Variants in WWOX observed in about 807,000 individuals in gnomAD.
The protein encoded by WWOX is WW domain-containing oxidoreductase.
In WWOX, 69 loss-of-function variants were observed where a neutral mutation model predicts 46.2. That is an observed-to-expected ratio of 1.49 (90% CI 1.23 to 1.82). The LOEUF (loss-of-function observed/expected upper bound fraction) is 1.82. Ranked by LOEUF, WWOX falls within the 40% of genes most tolerant of loss-of-function variation. The probability of loss-of-function intolerance (pLI) is 0.00; values close to 1 mark genes in which losing one functional copy is unlikely to be tolerated. For missense variants in WWOX, 919 were observed against 542.6 expected, an observed-to-expected ratio of 1.69 and a Z score of -6.89; for synonymous variants, 359 against 202.6, an observed-to-expected ratio of 1.77 and a Z score of -6.56.
At chr16:78,708,690 T>C (rs2048375909) in intron 8 of WWOX, among the ~76,000 whole-genome samples, 1 of 152,214 alleles carries the variant, frequency 6.6e-6, no homozygotes, top group Admixed American at 6.5e-5. Flanking sequence ...GTTCAGTGGC[T>C]TTGCCTCCAA....
chr16:78,435,223 A>G (rs2083307656), intron 8 of WWOX, among the ~76,000 whole-genome samples: 2 of 152,090 alleles, frequency 1.3e-5, no homozygotes, highest in African/African-American at 2.4e-5. Context: ...AATGAATTGG[A>G]CGAAGGTTGC....
chr16:78,557,724 C>T (rs532084626), intron 8 of WWOX, among the ~76,000 whole-genome samples: 149 of 93,412 alleles, frequency 1.6e-3, no homozygotes, highest in Middle Eastern at 7.4e-3. Context: ...AGACAGGAGT[C>T]TCACTCTGTT....
chr16:78,584,050 T>C (rs1176570861), intron 8 of WWOX, among the ~76,000 whole-genome samples: 2 of 152,300 alleles, frequency 1.3e-5, no homozygotes, highest in South Asian at 2.1e-4. Flanking sequence ...GTCCCTTCTT[T>C]TTGTGATCAC....
chr16:78,608,804 T>C (rs1470926116), intron 8 of WWOX, among the ~76,000 whole-genome samples: 1 of 152,108 alleles, frequency 6.6e-6, no homozygotes, highest in Admixed American at 6.5e-5. Flanking sequence ...GGTTGAAGTA[T>C]CTGTTCCCTC....
chr16:78,854,780 C>A (rs1267107297), intron 8 of WWOX, among the ~76,000 whole-genome samples: 1 of 152,128 alleles, frequency 6.6e-6, no homozygotes, highest in African/African-American at 2.4e-5. Context: ...GGGGTTTCAC[C>A]ACTTTTGGCC....
intron 8 of WWOX, among the ~76,000 whole-genome samples, chr16:78,706,055 C>CA (rs2048321528): frequency 2.6e-5 from 2 of 78,240 alleles, no homozygotes; most frequent in Admixed American, 3.8e-4. Context: ...AGAGTTATGG[C>CA]AGGTTTTTTT....
intron 5 of WWOX, chr16:78,167,365 G>A (rs1368881967): frequency 1.3e-5 from 2 of 152,094 alleles, no homozygotes; most frequent in Non-Finnish European, 2.9e-5. Context: ...TATATTTTGA[G>A]CCTTAATTGG....
intron 8 of WWOX, among the ~76,000 whole-genome samples, chr16:78,727,054 C>T (rs2048852527): frequency 6.6e-6 from 1 of 152,166 alleles, no homozygotes; most frequent in Non-Finnish European, 1.5e-5. Context: ...CGTGGCATCG[C>T]CAGTCCCAGT....
chr16:79,083,003 T>C (rs913614853), intron 8 of WWOX, among the ~76,000 whole-genome samples: 7 of 152,142 alleles, frequency 4.6e-5, no homozygotes, highest in Non-Finnish European at 7.4e-5. Flanking sequence ...AATGCCTACC[T>C]GGCACTCCTA....
chr16:78,833,880 C>T (rs1429125253), intron 8 of WWOX, among the ~76,000 whole-genome samples: 2 of 152,260 alleles, frequency 1.3e-5, no homozygotes, highest in Non-Finnish European at 2.9e-5. Context: ...CTCTATGGTA[C>T]CATACAGGCA....
chr16:78,681,698 C>G (rs1358978467), intron 8 of WWOX, among the ~76,000 whole-genome samples: 1 of 152,206 alleles, frequency 6.6e-6, no homozygotes, highest in African/African-American at 2.4e-5. Context: ...ATCCCCAGCC[C>G]AGCTCTTCGT....
intron 8 of WWOX, among the ~76,000 whole-genome samples, chr16:78,836,624 C>A (rs11864768): frequency 0.024 from 3,711 of 152,274 alleles, 165 homozygotes; most frequent in African/African-American, 0.085. Flanking sequence ...TCATTTAATT[C>A]TTGCTACCAT....
intron 6 of WWOX, among the ~76,000 whole-genome samples, chr16:78,410,138 G>A (rs1289397806): frequency 1.3e-5 from 2 of 152,144 alleles, no homozygotes; most frequent in Non-Finnish European, 2.9e-5. Context: ...CCCTCACCAT[G>A]TTAGCTGCCT....
At chr16:78,670,587 C>T (rs1306906076) in intron 8 of WWOX, among the ~76,000 whole-genome samples, 1 of 152,034 alleles carries the variant, frequency 6.6e-6, no homozygotes, top group African/African-American at 2.4e-5. Flanking sequence ...GGTTGCTGTA[C>T]TAGATGAATA....
chr16:78,473,192 C>G lies in WWOX; in HGVS notation c.1056+40440C>G, dbSNP rs540097372. Among the ~76,000 whole-genome samples, 10 of 152,266 alleles carry G rather than the reference C, an allele frequency of 6.6e-5. No individual in the cohort carries two copies. The South Asian group carries it at 2.1e-3, about 32-fold the overall frequency. On this transcript the variant is annotated intron_variant, in intron 8 of 8. Transcript: ENST00000566780. ...TCACCCAGGCTAGAGTGCAGTGGTGCGTTCTCTGCTCACTGCGGCCTGCAT... is the reference window on the plus strand; with the variant it reads ...TCACCCAGGCTAGAGTGCAGTGGTGGGTTCTCTGCTCACTGCGGCCTGCAT...
chr16:78,588,116 G>T (rs2045262859), intron 8 of WWOX, among the ~76,000 whole-genome samples: 1 of 151,332 alleles, frequency 6.6e-6, no homozygotes, highest in Non-Finnish European at 1.5e-5. Flanking sequence ...GGCGGGCCTT[G>T]CACAGGTGCA....
At chr16:78,654,612 T>A (rs1439558764) in intron 8 of WWOX, among the ~76,000 whole-genome samples, 8 of 152,170 alleles carry the variant, frequency 5.3e-5, no homozygotes, top group African/African-American at 1.9e-4. Context: ...TCACTTGTTT[T>A]TAATGTACCT....
chr16:78,894,653 C>G (rs542953593), intron 8 of WWOX, among the ~76,000 whole-genome samples: 1 of 152,246 alleles, frequency 6.6e-6, no homozygotes, highest in African/African-American at 2.4e-5. Flanking sequence ...CCTACCCAGC[C>G]TGCTTGTGTG....
chr16:79,123,550 T>G (rs1169936774), intron 8 of WWOX, among the ~76,000 whole-genome samples: 1 of 152,078 alleles, frequency 6.6e-6, no homozygotes, highest in African/African-American at 2.4e-5. Context: ...CTTGTCCTTA[T>G]GTAAGGATTA....
Sources: gnomAD v4.1 joint callset for allele counts (sites outside exome capture counted in the v4.1 genomes callset) on GRCh38, gnomAD v4.1.1 for gene constraint, MANE v1.5 for transcripts, NCBI Gene and HGNC (gene_info 2026-07-23, HGNC 2026-07-21) for gene names.